The following PLXNA1 variants were observed in gnomAD, a reference collection of about 807,000 sequenced individuals.
PLXNA1 encodes plexin A1.
In PLXNA1, 77 loss-of-function variants were observed where a neutral mutation model predicts 191.7. That is an observed-to-expected ratio of 0.40 (90% confidence interval 0.33 to 0.49). The LOEUF (loss-of-function observed/expected upper bound fraction) is 0.49. Ranked by LOEUF, PLXNA1 falls within the 20% of genes least tolerant of loss-of-function variation. The pLI is 0.63. For synonymous variants in PLXNA1, 1,137 were observed against 1,156.4 expected, an observed-to-expected ratio of 0.98 and a Z score of 0.34; for missense variants, 2,110 against 2,660.2, an observed-to-expected ratio of 0.79 and a Z score of 4.55.
rs373533337 is a variant in PLXNA1 at position 127,029,113 on chromosome 3, C to A, written c.4773+17C>A. On this transcript the variant is annotated intron_variant, in intron 26 of 31. Transcript: ENST00000393409. ...CACTACCAGGTGGCTCCCGGCCCTCCGACCCTAGCACAGGCCTCCCTCCCC... is the reference window on the plus strand; with the variant it reads ...CACTACCAGGTGGCTCCCGGCCCTCAGACCCTAGCACAGGCCTCCCTCCCC... 1.4e-5 allele frequency: 22 copies of A among 1,599,378 alleles called. No individual in the cohort carries two copies. Among genetic ancestry groups the A allele is most frequent in the Non-Finnish European group, 1.8e-5 (21 of 1,167,594 alleles).
chr3:126,988,469 C>T (rs2078971861), intron 1 of PLXNA1, 52 bp from the exon 2 acceptor site: 1 of 858,602 alleles, frequency 1.2e-6, no homozygotes, highest in Non-Finnish European at 1.7e-6. Context: ...ATCATAATAT[C>T]ATGGGATGGG....
chr3:127,003,376 A>G lies in PLXNA1; in HGVS notation c.1424A>G (p.Tyr475Cys), dbSNP rs1221538221. The change falls in exon 4 of 32, where the codon TAC becomes TGC. Residue 475 changes from tyrosine (Y) to cysteine (C), a missense_variant. This residue lies in a region of PLXNA1 where 903 missense variants were observed against 1,015.7 expected (regional missense o/e 0.89). Transcript: ENST00000393409. ...CCCGGTGGCCGGCCTGCCCTGGCCTACGAGAGCGTCGTGGCCCAGGAGGGC... is the reference window on the plus strand; with the variant it reads ...CCCGGTGGCCGGCCTGCCCTGGCCTGCGAGAGCGTCGTGGCCCAGGAGGGC... Reference protein sequence around the residue: ...SNPGGRPALAYESVVAQEGSP... With the variant: ...SNPGGRPALACESVVAQEGSP... 3.7e-6 allele frequency: 6 copies of G among 1,611,724 alleles called. No individual in the cohort carries two copies. The highest frequency in any genetic ancestry group is 1.1e-5 in the South Asian group (1 of 90,976).
chr3:127,033,577 G>T (rs751234432), intron 31 of PLXNA1, among the ~76,000 whole-genome samples: 1 of 152,124 alleles, frequency 6.6e-6, no homozygotes, highest in Non-Finnish European at 1.5e-5. Flanking sequence ...TGGGGTCCTG[G>T]GGCTCACCAG....
At chr3:127,000,042 G>T (rs1576673678) in intron 3 of PLXNA1, among the ~76,000 whole-genome samples, 3 of 151,954 alleles carry the variant, frequency 2.0e-5, no homozygotes, top group Admixed American at 6.6e-5. Context: ...CAGCCAAGGG[G>T]CATATCCAGG....
chr3:126,991,886 G>A (rs1018263590), intron 3 of PLXNA1, among the ~76,000 whole-genome samples: 1 of 152,240 alleles, frequency 6.6e-6, no homozygotes, highest in Non-Finnish European at 1.5e-5. Context: ...GGAGGCTGCT[G>A]TGTGTGGGTG....
At position 127,028,904 on chromosome 3, in the gene PLXNA1, G is replaced by A. The variant is rs116714689; in HGVS notation, c.4670-89G>A. 1,718 of 948,320 alleles carry A rather than the reference G, an allele frequency of 1.8e-3. 21 individuals carry two copies. The African/African-American group carries it at 0.025, about 14-fold the overall frequency. 58.7% of individuals were successfully genotyped at this position (948,320 alleles called of 1,614,324 possible). ...CTGCCCTGTGCTGGTGCTGAGAGCTGCAGGCAGGCCCCGTCCCACTACACT... is the reference window on the plus strand; with the variant it reads ...CTGCCCTGTGCTGGTGCTGAGAGCTACAGGCAGGCCCCGTCCCACTACACT... On this transcript the variant is annotated intron_variant, in intron 25 of 31. Coordinates refer to ENST00000393409, the MANE Select transcript of PLXNA1 (RefSeq NM_032242.4).
chr3:126,988,531 C>G lies in PLXNA1; in HGVS notation c.-63C>G. 2 of 1,388,524 alleles carry G rather than the reference C, an allele frequency of 1.4e-6. No individual in the cohort carries two copies. The highest frequency in any genetic ancestry group is 1.5e-5 in the South Asian group (1 of 67,144). The allele number at this position is 1,388,524 out of a possible 1,614,324, so 86.0% of individuals were successfully genotyped here. ...CTGCCCCTTCCCCAGGGCTGAAGCT[C>G]CTGGCACCATGATGCTCACCCCAGC... On this transcript the variant is annotated 5_prime_UTR_variant, in exon 2 of 32. Transcript: ENST00000393409.
rs2107631861 is a variant in PLXNA1 at position 127,014,506 on chromosome 3, G to T, written c.2633G>T (p.Gly878Val). The T allele has an allele frequency of 6.2e-7, 1 of 1,606,518 alleles. No homozygotes were observed. Among genetic ancestry groups the T allele is most frequent in the Non-Finnish European group, 8.5e-7 (1 of 1,179,760 alleles). The part of the protein sequence containing the change: ...KLSPETGPRQ[G>V]GTRLTITGEN... ...TCCCCCGAGACGGGCCCGAGGCAGG[G>T]CGGCACGCGGCTCACTATCACAGGC... Residue 878 changes from glycine (G) to valine (V), a missense_variant, in exon 13 of 32, where the codon GGC becomes GTC. By Grantham distance (109) the Gly-to-Val change is moderately radical. This residue lies in a region of PLXNA1 where 644 missense variants were observed against 714.3 expected (regional missense o/e 0.90). Transcript: ENST00000393409.
chr3:127,008,592 C>T (rs1248635753), intron 9 of PLXNA1, among the ~76,000 whole-genome samples: 1 of 152,176 alleles, frequency 6.6e-6, no homozygotes, highest in African/African-American at 2.4e-5. Context: ...CCCCCATCCC[C>T]ACCGGGTCTG....
chr3:126,990,027 G>A (rs1395995935), intron 2 of PLXNA1, among the ~76,000 whole-genome samples: 3 of 152,270 alleles, frequency 2.0e-5, no homozygotes, highest in Non-Finnish European at 4.4e-5. Context: ...TGCCTCAGAA[G>A]ATGGGGTGAC....
At chr3:126,997,606 T>C (rs1224163683) in intron 3 of PLXNA1, among the ~76,000 whole-genome samples, 1 of 152,216 alleles carries the variant, frequency 6.6e-6, no homozygotes, top group East Asian at 1.9e-4. Flanking sequence ...CATCTGTGCT[T>C]CCTGGTGAGC....
chr3:126,985,942 T>C (rs547127532), intron 1 of PLXNA1, among the ~76,000 whole-genome samples: 71 of 149,666 alleles, frequency 4.7e-4, no homozygotes, highest in Non-Finnish European at 8.1e-4. Flanking sequence ...CCGGCAACCC[T>C]GTGACCCCAG....
intron 23 of PLXNA1, among the ~76,000 whole-genome samples, chr3:127,024,990 C>T (rs1205671654): frequency 1.3e-5 from 2 of 152,102 alleles, no homozygotes; most frequent in East Asian, 1.9e-4. Context: ...CCGCTGCTCC[C>T]ACACATGCAC....
intron 22 of PLXNA1, among the ~76,000 whole-genome samples, 194 bp from the exon 23 acceptor site, chr3:127,022,558 G>C (rs1181934992): frequency 6.6e-6 from 1 of 151,900 alleles, no homozygotes; most frequent in Admixed American, 6.6e-5. Context: ...GGCTCTGGGC[G>C]AAGGACTGGG....
Position 127,014,079 on chromosome 3 carries a change from C to T in PLXNA1, c.2373C>T (p.Asn791=), listed in dbSNP as rs755374911. ...DLPVNLSVVW[N]GNFVIDNPQN... The stretch of plus-strand genomic sequence containing the variant: ...CAGTGAACCTGTCAGTCGTGTGGAA[C>T]GGCAACTTTGTCATTGACAACCCAC... Residue 791 remains asparagine, a synonymous_variant, in exon 11 of 32, where the codon AAC becomes AAT. Transcript: ENST00000393409. 34 of 1,613,870 alleles carry T rather than the reference C, an allele frequency of 2.1e-5. No individual in the cohort carries two copies. Among genetic ancestry groups the T allele is most frequent in the South Asian group, 6.6e-5 (6 of 91,092 alleles).
Position 127,004,613 on chromosome 3 carries a change from G to A in PLXNA1, c.1521G>A (p.Val507=), listed in dbSNP as rs1396172705. Residue 507 remains valine (V), a splice_region_variant and synonymous_variant, in exon 5 of 32, where the codon GTG becomes GTA. Transcript: ENST00000393409. ...GCCTGACACCTCCCCCACACCAGGT[G>A]ACGCGGGTGCCTGTGGAGAGCTGTG... ...QYLYAMTEKQ[V]TRVPVESCVQ... is the part of the protein sequence containing the mutation. The A allele has an allele frequency of 1.3e-6, 2 of 1,566,794 alleles. No individual in the cohort carries two copies. Among genetic ancestry groups the A allele is most frequent in the African/African-American group, 2.7e-5 (2 of 74,092 alleles).
intron 27 of PLXNA1, 23 bp from the exon 28 acceptor site, chr3:127,029,851 G>T (rs2079198605): frequency 6.3e-7 from 1 of 1,578,762 alleles, no homozygotes; most frequent in Non-Finnish European, 8.6e-7. Flanking sequence ...GCCAACGCGG[G>T]CGCTGACAGC....
chr3:127,003,683 C>T (rs1462312258), intron 4 of PLXNA1, among the ~76,000 whole-genome samples: 1 of 152,224 alleles, frequency 6.6e-6, no homozygotes, highest in Non-Finnish European at 1.5e-5. Flanking sequence ...ACCAGGGGCC[C>T]CACAGCCTCA....
At chr3:127,001,025 G>A (rs998023160) in intron 3 of PLXNA1, among the ~76,000 whole-genome samples, 13 of 152,130 alleles carry the variant, frequency 8.5e-5, no homozygotes, top group African/African-American at 3.1e-4. Context: ...ACAGCTGGAC[G>A]CGTGTGCTCC....
Sources: gnomAD v4.1 joint callset for allele counts (sites outside exome capture counted in the v4.1 genomes callset) on GRCh38, gnomAD v4.1.1 for gene constraint, gnomAD v4.1.1 regional missense constraint, MANE v1.5 for transcripts, NCBI Gene and HGNC (gene_info 2026-07-23, HGNC 2026-07-21) for gene names.